Variants in RABGAP1L observed in about 807,000 individuals in gnomAD.
RABGAP1L encodes rab GTPase-activating protein 1-like.
In RABGAP1L, 63 loss-of-function variants were observed where a neutral mutation model predicts 137.7. That is an observed-to-expected ratio of 0.46 (90% CI 0.37 to 0.56). RABGAP1L has a LOEUF of 0.56. Ranked by LOEUF, RABGAP1L falls within the 20% of genes least tolerant of loss-of-function variation. The pLI, the probability that RABGAP1L is intolerant of heterozygous loss-of-function variation, is 0.00. For missense variants in RABGAP1L, 1,095 were observed against 1,244.0 expected (o/e 0.88, Z 1.80); for synonymous variants, 431 against 433.7 (o/e 0.99, Z 0.08).
intron 13 of RABGAP1L, among the ~76,000 whole-genome samples, chr1:174,438,003 A>C (rs1035834031): frequency 2.0e-5 from 3 of 152,332 alleles, no homozygotes; most frequent in Non-Finnish European, 4.4e-5. Context: ...AAACTCCTTT[A>C]CAGACAAGCA....
chr1:174,900,847 A>G (rs1328875006), intron 19 of RABGAP1L, among the ~76,000 whole-genome samples: 3 of 152,136 alleles, frequency 2.0e-5, no homozygotes, highest in Non-Finnish European at 4.4e-5. Flanking sequence ...CTGTCTTGCT[A>G]GGTTGACGAA....
chr1:174,784,275 C>T (rs1223361399), intron 18 of RABGAP1L, among the ~76,000 whole-genome samples: 2 of 151,902 alleles, frequency 1.3e-5, no homozygotes, highest in South Asian at 2.1e-4. Context: ...CACCTCGGCT[C>T]CCGAAAGTGC....
intron 11 of RABGAP1L, among the ~76,000 whole-genome samples, chr1:174,368,895 T>G (rs1180660246): frequency 6.6e-6 from 1 of 152,216 alleles, no homozygotes; most frequent in Admixed American, 6.5e-5. Context: ...TGTCTAATTT[T>G]TATTATAATC....
chr1:174,957,575 A>G (rs768114756), intron 20 of RABGAP1L, 26 bp downstream of exon 20: 1 of 1,558,050 alleles, frequency 6.4e-7, no homozygotes, highest in Non-Finnish European at 8.8e-7. Context: ...TGCACCTATC[A>G]AAGTACCTTC....
At chr1:174,890,441 C>G (rs1655938141) in intron 19 of RABGAP1L, among the ~76,000 whole-genome samples, 1 of 152,112 alleles carries the variant, frequency 6.6e-6, no homozygotes, top group Non-Finnish European at 1.5e-5. Flanking sequence ...CAGTAAGGTT[C>G]TAATTATTGA....
At chr1:174,417,325 T>G (rs1650719000) in intron 13 of RABGAP1L, among the ~76,000 whole-genome samples, 1 of 152,174 alleles carries the variant, frequency 6.6e-6, no homozygotes, top group Admixed American at 6.5e-5. Context: ...TCAGTTATAG[T>G]TCAAGGTGCT....
chr1:174,899,238 T>G (rs1255411714), intron 19 of RABGAP1L, among the ~76,000 whole-genome samples: 2 of 152,168 alleles, frequency 1.3e-5, no homozygotes, highest in East Asian at 3.9e-4. Context: ...AAAAAAATGC[T>G]TAAAGAAATT....
At chr1:174,747,521 G>C (rs1029910082) in intron 17 of RABGAP1L, among the ~76,000 whole-genome samples, 1 of 150,026 alleles carries the variant, frequency 6.7e-6, no homozygotes, top group Non-Finnish European at 1.5e-5. Context: ...TTCTACTTTA[G>C]TTCAAGGCTT....
At chr1:174,208,403 C>T (rs753933166) in intron 1 of RABGAP1L, among the ~76,000 whole-genome samples, 11 of 152,102 alleles carry the variant, frequency 7.2e-5, no homozygotes, top group Non-Finnish European at 1.2e-4. Flanking sequence ...GTGTCTGCTT[C>T]GTGATTATTA....
intron 17 of RABGAP1L, among the ~76,000 whole-genome samples, chr1:174,731,606 G>A (rs901551628): frequency 6.6e-6 from 1 of 152,170 alleles, no homozygotes; most frequent in Non-Finnish European, 1.5e-5. Flanking sequence ...ACTCCAACTT[G>A]AGAATTTTCT....
chr1:174,266,950 G>T (rs1674123512), intron 7 of RABGAP1L, among the ~76,000 whole-genome samples: 1 of 152,130 alleles, frequency 6.6e-6, no homozygotes, highest in Admixed American at 6.6e-5. Flanking sequence ...CCTGTATAAA[G>T]TTGTGATATG....
intron 10 of RABGAP1L, among the ~76,000 whole-genome samples, chr1:174,298,892 G>T (rs527252306): frequency 3.5e-4 from 53 of 152,274 alleles, no homozygotes; most frequent in African/African-American, 1.2e-3. Context: ...CATCCCTTTT[G>T]TTCTTTCTGA....
intron 7 of RABGAP1L, among the ~76,000 whole-genome samples, chr1:174,262,961 C>T (rs1673725214): frequency 6.6e-6 from 1 of 152,192 alleles, no homozygotes; most frequent in Non-Finnish European, 1.5e-5. Context: ...ATTGTAAGAT[C>T]CAGGGACATC....
intron 11 of RABGAP1L, among the ~76,000 whole-genome samples, chr1:174,342,681 C>A (rs4651008): frequency 0.27 from 41,323 of 151,048 alleles, 6,075 homozygotes; most frequent in African/African-American, 0.36. Context: ...AAATTTAAAT[C>A]AACAGATGTA....
intron 10 of RABGAP1L, among the ~76,000 whole-genome samples, chr1:174,286,964 T>C (rs1676112703): frequency 6.6e-6 from 1 of 152,184 alleles, no homozygotes; most frequent in Non-Finnish European, 1.5e-5. Flanking sequence ...ATATTTATTC[T>C]AAAGAATGTT....
chr1:174,175,935 A>G (rs1665812280), intron 1 of RABGAP1L, among the ~76,000 whole-genome samples: 1 of 152,084 alleles, frequency 6.6e-6, no homozygotes, highest in Non-Finnish European at 1.5e-5. Context: ...AGTATTACTT[A>G]ATTCTTATAA....
At chr1:174,595,493 CT>C (rs1425248502) in intron 13 of RABGAP1L, among the ~76,000 whole-genome samples, 3 of 37,550 alleles carry the variant, frequency 8.0e-5, no homozygotes, top group Non-Finnish European at 8.8e-5. Context: ...GTTTTATCTA[CT>C]TTTGGTCTTT....
At chr1:174,442,783 C>G (rs187924438) in intron 13 of RABGAP1L, among the ~76,000 whole-genome samples, 5 of 152,174 alleles carry the variant, frequency 3.3e-5, no homozygotes, top group Admixed American at 3.3e-4. Context: ...AAATTGTTAA[C>G]TATAATCTCC....
At chr1:174,752,966 A>G (rs1684456022) in intron 18 of RABGAP1L, among the ~76,000 whole-genome samples, 1 of 152,220 alleles carries the variant, frequency 6.6e-6, no homozygotes, top group Admixed American at 6.5e-5. Context: ...TCCTTCAGTC[A>G]GAGAAGACAT....
Sources: gnomAD v4.1 joint callset for allele counts (sites outside exome capture counted in the v4.1 genomes callset) on GRCh38, gnomAD v4.1.1 for gene constraint, MANE v1.5 for transcripts, NCBI Gene and HGNC (gene_info 2026-07-23, HGNC 2026-07-21) for gene names.